Variants in CKAP5 observed in about 807,000 individuals in gnomAD.
CKAP5 encodes the protein cytoskeleton associated protein 5.
CKAP5 carries 27 observed loss-of-function variants against 232.8 expected under a neutral mutation model. The ratio of observed to expected loss-of-function variants is 0.12; its 90% CI spans 0.09 to 0.16. The LOEUF (loss-of-function observed/expected upper bound fraction) is 0.16, where lower values mean the gene tolerates loss of function less well. Ranked by LOEUF, CKAP5 falls within the 10% of genes least tolerant of loss-of-function variation. The pLI is 1.00. For missense variants in CKAP5, 1,838 were observed against 2,424.7 expected (o/e 0.76, Z 5.08); for synonymous variants, 785 against 841.1 (o/e 0.93, Z 1.16).
chr11:46,826,129 G>A (rs538433865), intron 1 of CKAP5, among the ~76,000 whole-genome samples: 11 of 152,212 alleles, frequency 7.2e-5, no homozygotes, highest in Admixed American at 1.3e-4. Flanking sequence ...TCTTGGGACA[G>A]TGGCGTCCCA....
rs1003408843 is a variant in CKAP5, at chr11:46,783,817, T to C, written c.2155-449A>G. On this transcript the variant is annotated intron_variant, in intron 17 of 43. Coordinates refer to ENST00000529230, the MANE Select transcript of CKAP5 (RefSeq NM_001008938.4). The stretch of plus-strand genomic sequence containing the variant: ...GTCTCCCAGGTTCAAGTGATTCTCC[T>C]GCCTCAGCCTCCCTAGTAGCTGGCA... Among the ~76,000 whole-genome samples, 11 of 152,118 alleles carry C rather than the reference T, an allele frequency of 7.2e-5. No homozygotes were observed. In the East Asian group the frequency reaches 2.2e-3, roughly 30 times the overall value.
intron 3 of CKAP5, among the ~76,000 whole-genome samples, 189 bp downstream of exon 3, chr11:46,818,121 C>T (rs1939445541): frequency 6.6e-6 from 1 of 152,178 alleles, no homozygotes; most frequent in African/African-American, 2.4e-5. Context: ...TACTCCTCTA[C>T]AGATCTCATG....
At chr11:46,755,490 A>C (rs916919362) in intron 35 of CKAP5, among the ~76,000 whole-genome samples, 4 of 151,696 alleles carry the variant, frequency 2.6e-5, no homozygotes, top group African/African-American at 9.7e-5. Flanking sequence ...TACAGGCGTG[A>C]GCCACCGCAC....
At position 46,809,807 on chromosome 11, in the gene CKAP5, C is replaced by T. The variant is rs141114175; in HGVS notation, c.698G>A (p.Arg233His). 26 of 1,613,816 alleles carry T rather than the reference C, an allele frequency of 1.6e-5. No individual in the cohort carries two copies. The highest frequency in any genetic ancestry group is 8.9e-5 in the East Asian group (4 of 44,874). Reference protein sequence around the residue: ...TSAPRPTRFLRSQQELEAKLE... With the variant: ...TSAPRPTRFLHSQQELEAKLE... ...TTTAGCTTCTAGTTCTTGTTGGGAA[C>T]GAAGAAATCGAGTAGGTCTAGGAGC... The change falls in exon 6 of 44, where the codon CGT (arginine) becomes CAT (histidine). Residue 233 changes from arginine to histidine, a missense_variant. Physicochemically the swap from Arg to His is conservative, Grantham distance 29. Around this residue, in one of 6 missense-constraint regions of CKAP5, gnomAD observed 285 missense variants for 300.0 expected, o/e 0.95. Transcript: ENST00000529230.
chr11:46,804,389 AG>A, intron 8 of CKAP5, among the ~76,000 whole-genome samples: 1 of 152,252 alleles, frequency 6.6e-6, no homozygotes, highest in East Asian at 1.9e-4. Flanking sequence ...GTAACATATG[AG>A]GGGGGACTCC....
intron 35 of CKAP5, 28 bp from the exon 36 acceptor site, chr11:46,755,095 T>G (rs1045586473): frequency 1.9e-6 from 3 of 1,562,034 alleles, no homozygotes; most frequent in African/African-American, 2.7e-5. Context: ...AAGATATATT[T>G]TCCAAGCTTC....
At chr11:46,827,659 T>G (rs1939686797) in intron 1 of CKAP5, among the ~76,000 whole-genome samples, 2 of 152,152 alleles carry the variant, frequency 1.3e-5, no homozygotes, top group South Asian at 4.1e-4. Context: ...CCCCATCTTG[T>G]GTGTAAAATG....
chr11:46,775,665 C>T (rs979723002), intron 24 of CKAP5, among the ~76,000 whole-genome samples: 3 of 84,160 alleles, frequency 3.6e-5, no homozygotes, highest in African/African-American at 9.1e-5. Flanking sequence ...AGTTCGTGTC[C>T]TTTGCAGGGA....
intron 11 of CKAP5, among the ~76,000 whole-genome samples, chr11:46,797,188 T>G (rs1267062009): frequency 6.6e-6 from 1 of 152,072 alleles, no homozygotes; most frequent in African/African-American, 2.4e-5. Flanking sequence ...GCAAACATGG[T>G]GAAACCCCAT....
chr11:46,844,673 G>A (rs1046412296), intron 1 of CKAP5, among the ~76,000 whole-genome samples: 3 of 152,018 alleles, frequency 2.0e-5, no homozygotes, highest in Non-Finnish European at 4.4e-5. Flanking sequence ...ACAGAGGGTC[G>A]CTCTGTCACC....
intron 1 of CKAP5, among the ~76,000 whole-genome samples, 153 bp from the exon 2 acceptor site, chr11:46,821,421 C>CTT (rs369366613): frequency 0.17 from 17,406 of 105,058 alleles, 3,914 homozygotes; most frequent in East Asian, 0.59. Flanking sequence ...ATTAACAGGA[C>CTT]TTTTTTTTTT....
At chr11:46,789,381 C>G (rs1331925533) in intron 15 of CKAP5, among the ~76,000 whole-genome samples, 2 of 152,168 alleles carry the variant, frequency 1.3e-5, no homozygotes, top group Non-Finnish European at 2.9e-5. Flanking sequence ...GGATAATGTC[C>G]ATTCTACCAA....
At chr11:46,761,444 G>A (rs952482778) in intron 32 of CKAP5, among the ~76,000 whole-genome samples, 1 of 152,118 alleles carries the variant, frequency 6.6e-6, no homozygotes, top group Non-Finnish European at 1.5e-5. Context: ...CTGGGTAGTA[G>A]TGAGAATTTA....
rs756495611 is a variant in CKAP5 at position 46,778,481 on chromosome 11, A to G, written c.2552T>C (p.Leu851Pro). ...CTACCTGATCTCCGTCCTCGGCAAAAGATCAACGACATCATTGCTCCCGTC... is the reference window on the plus strand; with the variant it reads ...CTACCTGATCTCCGTCCTCGGCAAAGGATCAACGACATCATTGCTCCCGTC... Reference protein sequence around the residue: ...PDDGSNDVVDLLPRTEISDKI... With the variant: ...PDDGSNDVVDPLPRTEISDKI... The change falls in exon 21 of 44, where the codon CTT becomes CCT. Residue 851 changes from leucine (L) to proline (P), a missense_variant. Leu to Pro is a moderately conservative substitution (Grantham distance 98). Transcript: ENST00000529230. 2.5e-6 allele frequency: 4 copies of G among 1,614,168 alleles called. No homozygotes were observed. The Admixed American group carries it at 6.7e-5, about 27-fold the overall frequency.
chr11:46,778,734 C>G, intron 20 of CKAP5, 135 bp from the exon 21 acceptor site: 1 of 685,044 alleles, frequency 1.5e-6, no homozygotes, highest in Non-Finnish European at 2.5e-6. Context: ...TGACTACTAC[C>G]TAGATTACAA....
chr11:46,840,161 T>G (rs1940016178), intron 1 of CKAP5, among the ~76,000 whole-genome samples: 1 of 152,042 alleles, frequency 6.6e-6, no homozygotes, highest in South Asian at 2.1e-4. Flanking sequence ...AAACAAAATG[T>G]GGGACCCAGT....
At position 46,762,693 on chromosome 11, in the gene CKAP5, G is replaced by A. The variant is rs2065166118; in HGVS notation, c.3961C>T (p.Pro1321Ser). 2.5e-6 allele frequency: 4 copies of A among 1,613,992 alleles called. No individual in the cohort carries two copies. The highest frequency in any genetic ancestry group is 3.4e-6 in the Non-Finnish European group (4 of 1,179,902). ...AILNRMCLVY[P>S]ASKMFPFIME... ...ATAAAGGGAAACATCTTGCTAGCTG[G>A]GTAGACAAGGCACATCCGGTTCAGG... The change falls in exon 31 of 44, where the codon CCA becomes TCA. Residue 1321 changes from proline (P) to serine (S), a missense_variant. Pro to Ser is a moderately conservative substitution (Grantham distance 74). Transcript: ENST00000529230.
Position 46,777,444 on chromosome 11 carries a change from T to A in CKAP5, c.2857A>T (p.Ser953Cys), listed in dbSNP as rs1420871320. 6.3e-7 allele frequency: 1 copy of A among 1,598,248 alleles called. No individual in the cohort carries two copies. Residue 953 changes from serine (S) to cysteine (C), a missense_variant, in exon 23 of 44, where the codon AGC (serine) becomes TGC (cysteine). By Grantham distance (112) the Ser-to-Cys change is moderately radical (BLOSUM62 -1). Transcript: ENST00000529230. ...GIPIITVLGDSKNNVRAAALA... is the reference protein window; with the variant it reads ...GIPIITVLGDCKNNVRAAALA... ...GTGAAAAGAGTTAGGTTTACCTTGC[T>A]GTCTCCAAGGACTGTGATGATAGGG...
At chr11:46,821,456 GCT>G (rs1465264841) in intron 1 of CKAP5, among the ~76,000 whole-genome samples, 188 bp from the exon 2 acceptor site, 1 of 111,488 alleles carries the variant, frequency 9.0e-6, no homozygotes, top group African/African-American at 3.6e-5. Context: ...ACGGAGTCTC[GCT>G]CTGTCACCCA....
Sources: gnomAD v4.1 joint callset for allele counts (sites outside exome capture counted in the v4.1 genomes callset) on GRCh38, gnomAD v4.1.1 for gene constraint, gnomAD v4.1.1 regional missense constraint, MANE v1.5 for transcripts, NCBI Gene and HGNC (gene_info 2026-07-23, HGNC 2026-07-21) for gene names.